Variants in SLC39A11 observed in about 807,000 individuals in gnomAD.
The protein encoded by SLC39A11 is zinc transporter ZIP11.
A neutral mutation model predicts 36.1 loss-of-function variants in SLC39A11; 33 were observed. The ratio of observed to expected loss-of-function variants is 0.91; its 90% CI spans 0.69 to 1.22. The LOEUF (loss-of-function observed/expected upper bound fraction) is 1.22. Among genes scored for constraint, SLC39A11 ranks in the 50% most tolerant of loss-of-function variants. The pLI is 0.00. For missense variants in SLC39A11, 432 were observed against 430.3 expected, an observed-to-expected ratio of 1.00 and a Z score of -0.03; for synonymous variants, 166 against 170.3, an observed-to-expected ratio of 0.97 and a Z score of 0.20.
At chr17:72,753,379 T>A (rs975832176) in intron 6 of SLC39A11, among the ~76,000 whole-genome samples, 1 of 152,232 alleles carries the variant, frequency 6.6e-6, no homozygotes, top group Non-Finnish European at 1.5e-5. Context: ...TGGCCTTTCA[T>A]TCAGAATATT....
At chr17:72,907,422 G>A (rs994275153) in intron 5 of SLC39A11, among the ~76,000 whole-genome samples, 6 of 152,102 alleles carry the variant, frequency 3.9e-5, no homozygotes, top group South Asian at 2.1e-4. Flanking sequence ...CCCAGGAGGC[G>A]GAGATTGCAG....
At chr17:73,049,124 G>A (rs1294684216) in intron 3 of SLC39A11, among the ~76,000 whole-genome samples, 1 of 152,252 alleles carries the variant, frequency 6.6e-6, no homozygotes, top group Non-Finnish European at 1.5e-5. Context: ...AACTGCGAGA[G>A]TGAGTCGGCA....
intron 7 of SLC39A11, among the ~76,000 whole-genome samples, chr17:72,705,279 A>C (rs1225969070): frequency 6.6e-6 from 1 of 152,238 alleles, no homozygotes; most frequent in Non-Finnish European, 1.5e-5. Context: ...GCGGTTATCA[A>C]GGTCCTGCTC....
At chr17:72,924,450 G>T (rs1047135083) in intron 5 of SLC39A11, among the ~76,000 whole-genome samples, 2 of 152,116 alleles carry the variant, frequency 1.3e-5, no homozygotes, top group East Asian at 3.9e-4. Context: ...CTGGCCCAGG[G>T]AGTAACTAAA....
chr17:73,030,353 G>C (rs907674748), intron 4 of SLC39A11, among the ~76,000 whole-genome samples: 9 of 152,162 alleles, frequency 5.9e-5, no homozygotes, highest in Non-Finnish European at 1.2e-4. Context: ...GTAACACAAG[G>C]AATCTGTTTT....
At chr17:72,916,078 C>T (rs1186659551) in intron 5 of SLC39A11, among the ~76,000 whole-genome samples, 9 of 152,192 alleles carry the variant, frequency 5.9e-5, no homozygotes, top group Admixed American at 2.6e-4. Flanking sequence ...AAGAGAACTT[C>T]TGCTCAATTA....
At chr17:72,720,588 ATG>A (rs1475165781) in intron 7 of SLC39A11, among the ~76,000 whole-genome samples, 1 of 152,094 alleles carries the variant, frequency 6.6e-6, no homozygotes, top group Non-Finnish European at 1.5e-5. Context: ...TAGCTGTAGG[ATG>A]TGTCATGGGT....
intron 6 of SLC39A11, among the ~76,000 whole-genome samples, chr17:72,845,323 C>T (rs949560266): frequency 3.6e-4 from 55 of 152,234 alleles, no homozygotes; most frequent in African/African-American, 1.3e-3. Flanking sequence ...TACTTCTCTC[C>T]CTGCTGCTCA....
At chr17:72,886,445 C>T (rs961016974) in intron 5 of SLC39A11, among the ~76,000 whole-genome samples, 1 of 152,180 alleles carries the variant, frequency 6.6e-6, no homozygotes, top group Non-Finnish European at 1.5e-5. Context: ...CCTCCTCCTC[C>T]TTTCTCCTTC....
At chr17:72,674,957 G>A (rs540497636) in intron 7 of SLC39A11, among the ~76,000 whole-genome samples, 8 of 60,096 alleles carry the variant, frequency 1.3e-4, no homozygotes, top group Admixed American at 1.9e-4. Flanking sequence ...GTGTCAAGTC[G>A]TTCATTGGAA....
chr17:72,817,352 G>GGGA (rs71154922), intron 6 of SLC39A11, among the ~76,000 whole-genome samples: 2 of 142,212 alleles, frequency 1.4e-5, no homozygotes, highest in Non-Finnish European at 3.0e-5. Flanking sequence ...AAGGGGGAGG[G>GGGA]GGAGGAGGAG....
chr17:72,753,889 CAAAAAAAAAA>C (rs35076559), intron 6 of SLC39A11, among the ~76,000 whole-genome samples: 1 of 51,944 alleles, frequency 1.9e-5, no homozygotes, highest in Non-Finnish European at 3.7e-5. Flanking sequence ...AGTCATTATA[CAAAAAAAAAA>C]AAAAAAAAAA....
intron 7 of SLC39A11, among the ~76,000 whole-genome samples, chr17:72,729,438 TATATATATATATATA>T (rs2074103430): frequency 2.1e-3 from 10 of 4,784 alleles, no homozygotes; most frequent in African/African-American, 6.1e-3. Context: ...TATATATATA[TATATATATATATATA>T]TATATTTTTT....
At chr17:72,649,630 CTT>C (rs1478985503) in intron 7 of SLC39A11, among the ~76,000 whole-genome samples, 1 of 144,024 alleles carries the variant, frequency 6.9e-6, no homozygotes. Context: ...GTTTCTTTTT[CTT>C]TTTTTCTTTT....
intron 4 of SLC39A11, among the ~76,000 whole-genome samples, chr17:72,954,499 C>T (rs140537270): frequency 7.1e-4 from 108 of 152,308 alleles, no homozygotes; most frequent in African/African-American, 2.3e-3. Context: ...AAGGGGCTGG[C>T]GGGTGGCCTG....
At chr17:72,770,029 C>T (rs1036206728) in intron 6 of SLC39A11, among the ~76,000 whole-genome samples, 1 of 152,180 alleles carries the variant, frequency 6.6e-6, no homozygotes, top group African/African-American at 2.4e-5. Context: ...CTCATGTCCC[C>T]CTAAAATGTA....
chr17:72,950,652 G>A (rs929085782), intron 4 of SLC39A11, among the ~76,000 whole-genome samples: 23 of 152,102 alleles, frequency 1.5e-4, no homozygotes, highest in Non-Finnish European at 1.9e-4. Flanking sequence ...TGATTGATGC[G>A]TAACTGGGGG....
chr17:72,949,144 C>CTTTTTTTTTTTTTTTTTTTTTTTTTTT lies in SLC39A11; in HGVS notation c.307-1296_307-1270dup, dbSNP rs56036208. Among the ~76,000 whole-genome samples the CTTTTTTTTTTTTTTTTTTTTTTTTTTT allele has an allele frequency of 3.8e-4, 14 of 36,508 alleles. 3 individuals carry two copies. Among genetic ancestry groups the CTTTTTTTTTTTTTTTTTTTTTTTTTTT allele is most frequent in the East Asian group, 1.2e-3 (1 of 866 alleles). 24.0% of individuals were successfully genotyped at this position (36,508 alleles called of 152,430 possible). A position where few individuals can be genotyped will look rare whatever the true frequency, so the allele number is the denominator to read the frequency against. ...AAATAAAATACCATACACTGGGCAG[C>CTTTTTTTTTTTTTTTTTTTTTTTTTTT]TTTTTTTTTTTTTTTTTTTTTTTTT... On this transcript the variant is annotated intron_variant, in intron 4 of 9. Transcript: ENST00000255559.
At chr17:72,904,161 G>A (rs7217743) in intron 5 of SLC39A11, among the ~76,000 whole-genome samples, 73,342 of 152,002 alleles carry the variant, frequency 0.48, 18,062 homozygotes, top group East Asian at 0.73. Context: ...AGCCGGGCGC[G>A]GTGGCACACA....
Sources: allele counts gnomAD v4.1 joint callset (sites outside exome capture counted in the v4.1 genomes callset), GRCh38; gene constraint gnomAD v4.1.1; transcripts MANE v1.5; gene names NCBI Gene and HGNC (gene_info 2026-07-23, HGNC 2026-07-21).